The following PTBP1 variants were observed in gnomAD, a reference collection of about 807,000 sequenced individuals.
PTBP1 encodes the protein polypyrimidine tract binding protein 1, also known as polypyrimidine tract-binding protein 1.
Under a neutral mutation model 59.8 loss-of-function variants are expected in PTBP1, and 8 were observed. The observed-to-expected ratio is 0.13, with a 90% confidence interval of 0.08 to 0.24. PTBP1 has a LOEUF of 0.24. Among genes scored for constraint, PTBP1 ranks in the 10% least tolerant of loss-of-function variants. The probability of loss-of-function intolerance (pLI) is 1.00; values close to 1 mark genes in which losing one functional copy is unlikely to be tolerated. For synonymous variants in PTBP1, 490 were observed against 320.7 expected, an observed-to-expected ratio of 1.53 and a Z score of -5.64; for missense variants, 686 against 767.0, an observed-to-expected ratio of 0.89 and a Z score of 1.25.
In PTBP1 at chr19:808,117, G is replaced by A; in HGVS notation, c.1153+215G>A. 3 of 632,548 alleles carry A rather than the reference G, an allele frequency of 4.7e-6. No homozygotes were observed. The highest frequency in any genetic ancestry group is 2.8e-5 in the Admixed American group (1 of 35,928). 39.2% of individuals were successfully genotyped at this position (632,548 alleles called of 1,614,324 possible). On this transcript the variant is annotated intron_variant, in intron 11 of 14. Coordinates refer to ENST00000356948, the MANE Select transcript of PTBP1 (RefSeq NM_002819.5). The surrounding 1 kb of genome is among the most constrained non-coding windows in gnomAD (Gnocchi z 4.7). ...CATGCTTTTCAGAGTTAGACCTGTC[G>A]GTGGCATATGCCACCGTGGCCACCC...
chr19:798,025 G>C (rs976951025), intron 1 of PTBP1, among the ~76,000 whole-genome samples: 32 of 151,058 alleles, frequency 2.1e-4, no homozygotes, highest in Non-Finnish European at 4.6e-4. Flanking sequence ...GGCGGGGCTG[G>C]GGCGGCCGCC....
At chr19:805,296 C>A in intron 8 of PTBP1, 109 bp downstream of exon 8, 1 of 1,332,120 alleles carries the variant, frequency 7.5e-7, no homozygotes, top group Non-Finnish European at 1.0e-6. Flanking sequence ...GATGCACCTG[C>A]TGCTCTCTGC....
chr19:803,446 A>C, intron 2 of PTBP1, 115 bp from the exon 3 acceptor site: 1 of 809,784 alleles, frequency 1.2e-6, no homozygotes. Flanking sequence ...GGGTGTGGGT[A>C]TGGGTTGGGG....
rs2034836253 is a variant in PTBP1 at position 810,972 on chromosome 19, T to C, written c.*146T>C. On this transcript the variant is annotated 3_prime_UTR_variant, in exon 15 of 15. Transcript: ENST00000356948. Reference sequence around the variant, plus strand: ...ATCAGTTTACCTGTTTTTAAAAAAATTAAATCTAGTTCACCTTGCTCACCC... The same window carrying C: ...ATCAGTTTACCTGTTTTTAAAAAAACTAAATCTAGTTCACCTTGCTCACCC... 1.2e-6 allele frequency: 1 copy of C among 866,480 alleles called. No homozygotes were observed. The highest frequency in any genetic ancestry group is 1.6e-6 in the Non-Finnish European group (1 of 606,818). The allele number at this position is 866,480 out of a possible 1,614,324, so 53.7% of individuals were successfully genotyped here. A position where few individuals can be genotyped will look rare whatever the true frequency, so the allele number is the denominator to read the frequency against.
rs1459107681 is a variant in PTBP1 at position 804,521 on chromosome 19, G to A, written c.436-11G>A. On this transcript the variant is annotated splice_polypyrimidine_tract_variant and intron_variant, in intron 5 of 14. Transcript: ENST00000356948. Reference sequence around the variant, plus strand: ...GCAGGGGCCGGGGACTCACGGCTGTGCCTCCCACAGCGGGCCCAGGCGGCC... The same window carrying A: ...GCAGGGGCCGGGGACTCACGGCTGTACCTCCCACAGCGGGCCCAGGCGGCC... The A allele has an allele frequency of 3.1e-6, 5 of 1,598,582 alleles. No homozygotes were observed. Among genetic ancestry groups the A allele is most frequent in the Non-Finnish European group, 4.3e-6 (5 of 1,175,366 alleles).
At position 803,669 on chromosome 19, in the gene PTBP1, G is replaced by A. The variant is rs747063515; in HGVS notation, c.115+33G>A. 4.6e-5 allele frequency: 73 copies of A among 1,572,332 alleles called. 1 individual carries two copies. The highest frequency in any genetic ancestry group is 1.1e-4 in the South Asian group (10 of 89,974). On this transcript the variant is annotated intron_variant, in intron 3 of 14. Transcript: ENST00000356948. ...CGGGACTCGGCCCAGGGCAAGACCCGTGGGTGTCTTTCCCTGGAACAACGT... is the reference window on the plus strand; with the variant it reads ...CGGGACTCGGCCCAGGGCAAGACCCATGGGTGTCTTTCCCTGGAACAACGT...
chr19:798,703 A>G (rs967781602), intron 1 of PTBP1, among the ~76,000 whole-genome samples: 2 of 152,180 alleles, frequency 1.3e-5, no homozygotes, highest in Non-Finnish European at 2.9e-5. Context: ...CGGGAGTTGC[A>G]GTGGCCGGGA....
intron 13 of PTBP1, among the ~76,000 whole-genome samples, chr19:810,044 C>A (rs542225663): frequency 6.6e-6 from 1 of 152,216 alleles, no homozygotes; most frequent in Non-Finnish European, 1.5e-5. Context: ...GAGTGGCTCA[C>A]GCCTATCATC....
Position 810,787 on chromosome 19 carries a change from C to T in PTBP1, c.1635C>T (p.Asn545=). Residue 545 remains asparagine (N), a synonymous_variant, in exon 15 of 15, where the codon AAC becomes AAT. Transcript: ENST00000356948. ...IDLHNHDLGE[N]HHLRVSFSKS... ...TGCACAACCACGACCTCGGGGAGAA[C>T]CACCACCTGCGGGTCTCCTTCTCCA... The T allele has an allele frequency of 1.3e-6, 2 of 1,599,120 alleles. No homozygotes were observed. Among genetic ancestry groups the T allele is most frequent in the South Asian group, 2.3e-5 (2 of 88,422 alleles).
chr19:804,753 C>T, intron 6 of PTBP1, 51 bp downstream of exon 6: 3 of 1,609,010 alleles, frequency 1.9e-6, no homozygotes, highest in South Asian at 1.1e-5. Context: ...TTGCTGTGGG[C>T]ACAGGCACAC....
At chr19:802,832 C>T (rs558458907) in intron 2 of PTBP1, among the ~76,000 whole-genome samples, 1 of 152,194 alleles carries the variant, frequency 6.6e-6, no homozygotes, top group Admixed American at 6.5e-5. Flanking sequence ...GAAGTTGATC[C>T]AATTACATAG....
intron 1 of PTBP1, among the ~76,000 whole-genome samples, chr19:798,071 C>T (rs930838181): frequency 1.3e-5 from 2 of 151,822 alleles, no homozygotes; most frequent in South Asian, 4.1e-4. Context: ...TCGCCGCGGG[C>T]CCGAGTCTCT....
intron 9 of PTBP1, chr19:806,029 G>A: frequency 8.6e-6 from 2 of 233,850 alleles, no homozygotes; most frequent in Non-Finnish European, 8.2e-6. Context: ...GGAGCAGCGC[G>A]TGCCGCCCGG....
chr19:811,061 A>G lies in PTBP1; in HGVS notation c.*235A>G. ...GCAGCGGGAGTTCCCGGCCCTCCAC[A>G]CCCGGGGCCAGACCCTCGGGGCCAT... On this transcript the variant is annotated 3_prime_UTR_variant, in exon 15 of 15. Transcript: ENST00000356948. 1 of 450,208 alleles carries G rather than the reference A, an allele frequency of 2.2e-6. No homozygotes were observed. Among genetic ancestry groups the G allele is most frequent in the South Asian group, 4.1e-5 (1 of 24,192 alleles). The allele number at this position is 450,208 out of a possible 1,614,324, so 27.9% of individuals were successfully genotyped here. A position where few individuals can be genotyped will look rare whatever the true frequency, so the allele number is the denominator to read the frequency against.
chr19:798,104 CCCCCGTGCG>C (rs1430659198), intron 1 of PTBP1, among the ~76,000 whole-genome samples: 6 of 151,916 alleles, frequency 3.9e-5, no homozygotes, highest in African/African-American at 9.7e-5. Context: ...CTACCCCTGC[CCCCCGTGCG>C]CCCCGGGCCG....
chr19:809,281 C>T (rs1184015603), intron 13 of PTBP1, among the ~76,000 whole-genome samples: 2 of 150,644 alleles, frequency 1.3e-5, no homozygotes, highest in African/African-American at 2.4e-5. Context: ...TGCTGGGATA[C>T]AGGCGTGAGC....
intron 10 of PTBP1, 142 bp from the exon 11 acceptor site, chr19:807,727 T>A (rs2034648141): frequency 1.5e-6 from 1 of 664,858 alleles, no homozygotes; most frequent in African/African-American, 1.8e-5. Flanking sequence ...CCTTGAATAT[T>A]AACATCCTGA....
chr19:797,890 C>T (rs1230442056), intron 1 of PTBP1, among the ~76,000 whole-genome samples: 2 of 149,016 alleles, frequency 1.3e-5, no homozygotes, highest in South Asian at 4.1e-4. Flanking sequence ...CGTCCGCTCC[C>T]CTCGTGCGCC....
Position 806,562 on chromosome 19 carries a change from T to C in PTBP1, c.1119+6T>C. The C allele has an allele frequency of 6.7e-7, 1 of 1,496,528 alleles. No individual in the cohort carries two copies. Among genetic ancestry groups the C allele is most frequent in the Non-Finnish European group, 8.9e-7 (1 of 1,123,292 alleles). The allele number at this position is 1,496,528 out of a possible 1,614,324, so 92.7% of individuals were successfully genotyped here. On this transcript the variant is annotated splice_donor_region_variant and intron_variant, in intron 10 of 14. Coordinates refer to ENST00000356948, the MANE Select transcript of PTBP1 (RefSeq NM_002819.5). ...TCAGCAACCTCAACCCAGAGGTACG[T>C]GGGCTTTTCCTCCGCGCCGCCGTTC...
Sources: gnomAD v4.1 joint callset for allele counts (sites outside exome capture counted in the v4.1 genomes callset) on GRCh38, gnomAD v4.1.1 for gene constraint, Gnocchi (gnomAD v3.1) non-coding constraint, MANE v1.5 for transcripts, NCBI Gene and HGNC (gene_info 2026-07-23, HGNC 2026-07-21) for gene names.